Variants in TRPM2 observed in about 807,000 individuals in gnomAD.
TRPM2 encodes estrogen-responsive element-associated gene 1 protein.
In TRPM2, 161 loss-of-function variants were observed where a neutral mutation model predicts 174.0. The observed-to-expected ratio is 0.93, with a 90% CI of 0.81 to 1.05. TRPM2 has a LOEUF of 1.05. TRPM2 is among the 50% of genes least tolerant of loss of function. The pLI is 0.00. For synonymous variants in TRPM2, 954 were observed against 861.3 expected (o/e 1.11, Z -1.88); for missense variants, 2,057 against 2,038.0 (o/e 1.01, Z -0.18).
At chr21:44,398,206 G>T (rs951482842) in intron 13 of TRPM2, among the ~76,000 whole-genome samples, 10 of 144,774 alleles carry the variant, frequency 6.9e-5, no homozygotes, top group African/African-American at 2.4e-4. Flanking sequence ...TTTGGAGACT[G>T]TTTTTTTTTT....
At chr21:44,393,649 A>C (rs1023932235) in intron 11 of TRPM2, among the ~76,000 whole-genome samples, 1 of 151,630 alleles carries the variant, frequency 6.6e-6, no homozygotes, top group East Asian at 1.9e-4. Flanking sequence ...CTGTGAGTCC[A>C]TCTGGACCCA....
rs200070072 is a variant in TRPM2, at chr21:44,418,521, C to T, written c.3427C>T (p.Arg1143Trp). The T allele has an allele frequency of 2.3e-5, 37 of 1,614,102 alleles. No individual in the cohort carries two copies. Among genetic ancestry groups the T allele is most frequent in the East Asian group, 1.8e-4 (8 of 44,876 alleles). The change falls in exon 22 of 32, where the codon CGG becomes TGG. Residue 1143 changes from arginine (R) to tryptophan (W), a missense_variant. Physicochemically the swap from Arg to Trp is moderately radical, Grantham distance 101 (BLOSUM62 -3). Coordinates refer to ENST00000397928, the MANE Select transcript of TRPM2 (RefSeq NM_003307.4). ...LQNRQFQQKQ[R>W]PEQKIEDISN... ...GAACCGACAGTTCCAGCAAAAGCAG[C>T]GGCCCGAGCAGAAGATCGAGGACAT...
chr21:44,416,585 A>G, intron 20 of TRPM2: 1 of 180,078 alleles, frequency 5.6e-6, no homozygotes, highest in Non-Finnish European at 1.2e-5. Flanking sequence ...ATAAACACCC[A>G]CTTCGTGTTA....
intron 17 of TRPM2, 33 bp downstream of exon 17, chr21:44,405,293 T>G: frequency 6.2e-7 from 1 of 1,609,560 alleles, no homozygotes; most frequent in Non-Finnish European, 8.5e-7. Context: ...CGGGCCCGTC[T>G]GAGGCAGCCA....
chr21:44,408,495 TA>T (rs1281812058), intron 19 of TRPM2, among the ~76,000 whole-genome samples: 1 of 151,732 alleles, frequency 6.6e-6, no homozygotes, highest in Non-Finnish European at 1.5e-5. Flanking sequence ...TATTGTCCAT[TA>T]AAAAAACAAA....
chr21:44,352,399 C>T (rs1345672131), upstream of TRPM2, among the ~76,000 whole-genome samples: 2 of 152,248 alleles, frequency 1.3e-5, no homozygotes, highest in East Asian at 1.9e-4. Flanking sequence ...AGCTCAGCCC[C>T]AAGAGCCCGG....
chr21:44,358,383 C>CA (rs1031980239), intron 2 of TRPM2, among the ~76,000 whole-genome samples: 1 of 152,106 alleles, frequency 6.6e-6, no homozygotes, highest in African/African-American at 2.4e-5. Flanking sequence ...CAGGGAGCCC[C>CA]CCTTGGGTGG....
intron 19 of TRPM2, among the ~76,000 whole-genome samples, chr21:44,413,639 C>T (rs142333555): frequency 0.01 from 1,574 of 152,220 alleles, 17 homozygotes; most frequent in Middle Eastern, 0.017. Context: ...GTGGGTGGCA[C>T]ACCCTGGGCG....
At position 44,395,323 on chromosome 21, in the gene TRPM2, C is replaced by A; in HGVS notation, c.1795-91C>A. ...CAGTGAGATCCTGAGAAGGTCGGGG[C>A]TGGGGTCAGGGCCTGCACCTCTGAC... On this transcript the variant is annotated intron_variant, in intron 11 of 31. Coordinates refer to ENST00000397928, the MANE Select transcript of TRPM2 (RefSeq NM_003307.4). 3.4e-6 allele frequency: 5 copies of A among 1,489,956 alleles called. No homozygotes were observed. The South Asian group carries it at 6.5e-5, about 19-fold the overall frequency. The allele number at this position is 1,489,956 out of a possible 1,614,324, so 92.3% of individuals were successfully genotyped here.
At chr21:44,382,121 A>T (rs1199358757) in intron 8 of TRPM2, among the ~76,000 whole-genome samples, 1 of 148,736 alleles carries the variant, frequency 6.7e-6, no homozygotes, top group Non-Finnish European at 1.5e-5. Context: ...TAGACAATAG[A>T]TAGATACATG....
rs1023689764 is a variant in TRPM2, at chr21:44,379,270, A to G, written c.1215+73A>G. The G allele has an allele frequency of 1.9e-6, 3 of 1,544,760 alleles. No homozygotes were observed. In the African/African-American group the frequency reaches 4.1e-5, roughly 21 times the overall value. ...AGACACTGTCAGCCTGGTGGGCAGGACCAGGACTCATGGACCGATGCGGAG... is the reference window on the plus strand; with the variant it reads ...AGACACTGTCAGCCTGGTGGGCAGGGCCAGGACTCATGGACCGATGCGGAG... On this transcript the variant is annotated intron_variant, in intron 8 of 31. Coordinates refer to ENST00000397928, the MANE Select transcript of TRPM2 (RefSeq NM_003307.4).
Position 44,391,643 on chromosome 21 carries a change from G to C in TRPM2, c.1794+18G>C. 1 of 1,553,260 alleles carries C rather than the reference G, an allele frequency of 6.4e-7. No homozygotes were observed. The highest frequency in any genetic ancestry group is 2.3e-5 in the East Asian group (1 of 44,238). ...AGCTCAACGTGCGTGCTGGTAACGG[G>C]GCCCATCCTGGACTCGTCTTCGCGG... is the stretch of plus-strand genomic sequence containing the variant. On this transcript the variant is annotated intron_variant, in intron 11 of 31. Coordinates refer to ENST00000397928, the MANE Select transcript of TRPM2 (RefSeq NM_003307.4). This position sits in a 1 kb window ranked among gnomAD's most constrained non-coding sequence, Gnocchi z 5.0.
chr21:44,391,441 A>G lies in TRPM2; in HGVS notation c.1610A>G (p.Gln537Arg), dbSNP rs2146241673. The change falls in exon 11 of 32, where the codon CAG (glutamine) becomes CGG (arginine). Residue 537 changes from glutamine (Q) to arginine (R), a missense_variant. Gln to Arg is a conservative substitution (Grantham distance 43). Transcript: ENST00000397928. This position sits in a 1 kb window ranked among gnomAD's most constrained non-coding sequence, Gnocchi z 5.0. ...TCCTGCCTGTTCCACAGCAAGCTGCAGAAGGTGCTGGTGGAGGATCCCGAG... is the reference window on the plus strand; with the variant it reads ...TCCTGCCTGTTCCACAGCAAGCTGCGGAAGGTGCTGGTGGAGGATCCCGAG... The part of the protein sequence containing the change: ...DPSCLFHSKL[Q>R]KVLVEDPERP... 1.2e-6 allele frequency: 2 copies of G among 1,613,960 alleles called. No homozygotes were observed. The highest frequency in any genetic ancestry group is 4.5e-5 in the East Asian group (2 of 44,882).
At chr21:44,360,138 A>T (rs1211427722) in intron 2 of TRPM2, among the ~76,000 whole-genome samples, 1 of 152,256 alleles carries the variant, frequency 6.6e-6, no homozygotes, top group Non-Finnish European at 1.5e-5. Flanking sequence ...CAAAGAACAC[A>T]TAAATTTATC....
rs901111214 is a variant in TRPM2, at chr21:44,369,321, G to A, written c.749G>A (p.Arg250His). Residue 250 changes from arginine to histidine, a missense_variant, in exon 5 of 32, where the codon CGC becomes CAC. Arg to His is a conservative substitution (Grantham distance 29). Coordinates refer to ENST00000397928, the MANE Select transcript of TRPM2 (RefSeq NM_003307.4). Reference sequence around the variant, plus strand: ...GCCACCTGGGGCACTGTCCACCGCCGCGAGGGCCTGATCCATCCCACGGTG... The same window carrying A: ...GCCACCTGGGGCACTGTCCACCGCCACGAGGGCCTGATCCATCCCACGGTG... The part of the protein sequence containing the change: ...GVATWGTVHR[R>H]EGLIHPTGSF... 1.9e-6 allele frequency: 3 copies of A among 1,612,744 alleles called. No homozygotes were observed. Among genetic ancestry groups the A allele is most frequent in the South Asian group, 1.1e-5 (1 of 90,972 alleles).
At chr21:44,380,221 G>A (rs2048838239) in intron 8 of TRPM2, among the ~76,000 whole-genome samples, 1 of 152,218 alleles carries the variant, frequency 6.6e-6, no homozygotes, top group African/African-American at 2.4e-5. Context: ...GCTTTGCGAT[G>A]GTCTCAGAGT....
rs2048351599 is a variant in TRPM2 at position 44,366,071 on chromosome 21, C to T, written c.424-683C>T. 6.6e-6 allele frequency among the ~76,000 whole-genome samples: 1 copy of T among 152,228 alleles called. No homozygotes were observed. The highest frequency in any genetic ancestry group is 1.5e-5 in the Non-Finnish European group (1 of 68,034). On this transcript the variant is annotated intron_variant, in intron 3 of 31. Transcript: ENST00000397928. This position sits in a 1 kb window ranked among gnomAD's most constrained non-coding sequence, Gnocchi z 6.0. ...GCAGACCCCGCTGGGTCTCTTCAGA[C>T]ACAGCCCGCCTAGCGGAACAGGGAA...
intron 2 of TRPM2, among the ~76,000 whole-genome samples, chr21:44,363,809 C>T (rs894821233): frequency 4.6e-5 from 7 of 152,272 alleles, no homozygotes; most frequent in Admixed American, 3.9e-4. Context: ...GTCCTCTTGA[C>T]ATGTCTATGG....
Position 44,418,121 on chromosome 21 carries a change from C to T in TRPM2, c.3328+13C>T, listed in dbSNP as rs1269736211. The T allele has an allele frequency of 1.3e-5, 21 of 1,603,628 alleles. No individual in the cohort carries two copies. The highest frequency in any genetic ancestry group is 1.8e-5 in the Non-Finnish European group (21 of 1,174,718). On this transcript the variant is annotated intron_variant, in intron 21 of 31. Coordinates refer to ENST00000397928, the MANE Select transcript of TRPM2 (RefSeq NM_003307.4). ...CACAAGCAGCTCAGTATGCCAGCCC[C>T]AGTGCCTCTCCTGAATGTCCTGGCC...
Sources: gnomAD v4.1 joint callset for allele counts (sites outside exome capture counted in the v4.1 genomes callset) on GRCh38, gnomAD v4.1.1 for gene constraint, Gnocchi (gnomAD v3.1) non-coding constraint, MANE v1.5 for transcripts, NCBI Gene and HGNC (gene_info 2026-07-23, HGNC 2026-07-21) for gene names.